The following KCMF1 variants were observed in gnomAD, a reference collection of about 807,000 sequenced individuals.
KCMF1 encodes E3 ubiquitin-protein ligase KCMF1.
KCMF1 carries 3 observed loss-of-function variants against 41.1 expected under a neutral mutation model. That is an observed-to-expected ratio of 0.07 (90% CI 0.03 to 0.19). KCMF1 has a LOEUF of 0.19. Among genes scored for constraint, KCMF1 ranks in the 10% least tolerant of loss-of-function variants. The pLI, the probability that KCMF1 is intolerant of heterozygous loss-of-function variation, is 1.00. For synonymous variants in KCMF1, 142 were observed against 164.5 expected (o/e 0.86, Z 1.04); for missense variants, 286 against 488.9 (o/e 0.58, Z 3.91).
chr2:85,039,119 G>T (rs1243376580), intron 3 of KCMF1, among the ~76,000 whole-genome samples: 1 of 152,142 alleles, frequency 6.6e-6, no homozygotes, highest in Non-Finnish European at 1.5e-5. Flanking sequence ...AAACTAAAGT[G>T]TTAAGTTAGT....
intron 1 of KCMF1, among the ~76,000 whole-genome samples, chr2:84,983,808 G>A (rs1226962723): frequency 6.6e-6 from 1 of 151,974 alleles, no homozygotes; most frequent in Non-Finnish European, 1.5e-5. Context: ...ACTGCGTCCG[G>A]CTGACTTTTG....
chr2:85,005,832 C>CA (rs1364998015), intron 1 of KCMF1, among the ~76,000 whole-genome samples: 1 of 152,106 alleles, frequency 6.6e-6, no homozygotes, highest in African/African-American at 2.4e-5. Context: ...TCAGTAAATA[C>CA]ATATAGTGTG....
chr2:84,971,512 C>G, intron 1 of KCMF1, 45 bp downstream of exon 1: 1 of 1,123,544 alleles, frequency 8.9e-7, no homozygotes, highest in Non-Finnish European at 1.1e-6. Context: ...GGGCCTCGGC[C>G]TACCCCGCCC....
intron 2 of KCMF1, among the ~76,000 whole-genome samples, chr2:85,029,369 G>A (rs1385458851): frequency 6.6e-6 from 1 of 152,066 alleles, no homozygotes; most frequent in East Asian, 1.9e-4. Flanking sequence ...GATCACTTGA[G>A]CCCAGGAGTT....
intron 2 of KCMF1, among the ~76,000 whole-genome samples, chr2:85,032,410 C>CCT (rs933586828): frequency 1.3e-4 from 19 of 149,984 alleles, no homozygotes; most frequent in Admixed American, 2.0e-4. Flanking sequence ...GAGTTTCGCT[C>CCT]TTGTCACCCA....
chr2:85,009,844 T>G (rs1254875921), intron 1 of KCMF1, among the ~76,000 whole-genome samples: 1 of 152,222 alleles, frequency 6.6e-6, no homozygotes, highest in Non-Finnish European at 1.5e-5. Flanking sequence ...AAGAAGCAAC[T>G]TAGAAATTTA....
chr2:85,052,629 G>A (rs1675834638), intron 6 of KCMF1, among the ~76,000 whole-genome samples: 1 of 152,160 alleles, frequency 6.6e-6, no homozygotes, highest in South Asian at 2.1e-4. Flanking sequence ...GTAGGAGTTT[G>A]TATGTATGTG....
intron 2 of KCMF1, among the ~76,000 whole-genome samples, chr2:85,033,010 C>T (rs184267664): frequency 7.2e-4 from 109 of 152,254 alleles, no homozygotes; most frequent in Admixed American, 2.7e-3. Flanking sequence ...GGAAAGCATC[C>T]AGTCTTTCAC....
At chr2:84,978,936 A>C (rs1673628702) in intron 1 of KCMF1, among the ~76,000 whole-genome samples, 1 of 150,432 alleles carries the variant, frequency 6.6e-6, no homozygotes, top group South Asian at 2.1e-4. Context: ...CTGGTCTCGA[A>C]CTCCTGACCT....
intron 3 of KCMF1, among the ~76,000 whole-genome samples, chr2:85,041,499 T>C (rs946125485): frequency 2.6e-5 from 4 of 152,314 alleles, no homozygotes; most frequent in African/African-American, 9.6e-5. Flanking sequence ...ACTGAAGCCT[T>C]TGCAGCTATC....
chr2:85,027,866 A>G, intron 1 of KCMF1, 23 bp from the exon 2 acceptor site: 1 of 1,541,948 alleles, frequency 6.5e-7, no homozygotes, highest in Non-Finnish European at 8.8e-7. Flanking sequence ...ACTGGTAACT[A>G]AAGATATTTC....
chr2:84,992,764 G>A (rs1674074011), intron 1 of KCMF1, among the ~76,000 whole-genome samples: 1 of 151,962 alleles, frequency 6.6e-6, no homozygotes, highest in Admixed American at 6.6e-5. Flanking sequence ...TGAGTAGCTG[G>A]GACTACAGGC....
chr2:85,000,345 G>T (rs186843404), intron 1 of KCMF1, among the ~76,000 whole-genome samples: 2 of 152,068 alleles, frequency 1.3e-5, no homozygotes, highest in Admixed American at 6.6e-5. Context: ...GGATGGTCTC[G>T]ATCTCCTGAC....
intron 1 of KCMF1, among the ~76,000 whole-genome samples, chr2:85,002,852 T>G (rs1020687908): frequency 1.3e-5 from 2 of 152,178 alleles, no homozygotes; most frequent in African/African-American, 4.8e-5. Context: ...TACTTTGCCA[T>G]TCTGTCTATA....
intron 1 of KCMF1, among the ~76,000 whole-genome samples, chr2:85,016,251 A>G (rs189457346): frequency 7.2e-5 from 11 of 152,222 alleles, no homozygotes; most frequent in Admixed American, 2.0e-4. Flanking sequence ...CTCTTTAGCC[A>G]TAGGTTTTCT....
chr2:84,986,522 T>C (rs1559126378), intron 1 of KCMF1, among the ~76,000 whole-genome samples: 1 of 151,786 alleles, frequency 6.6e-6, no homozygotes, highest in Non-Finnish European at 1.5e-5. Context: ...GGGACAACAG[T>C]GAGGAGACCA....
intron 5 of KCMF1, among the ~76,000 whole-genome samples, 184 bp from the exon 6 acceptor site, chr2:85,049,182 C>G (rs966539167): frequency 6.6e-6 from 1 of 152,240 alleles, no homozygotes; most frequent in African/African-American, 2.4e-5. Flanking sequence ...TTTGCATTCT[C>G]TGTCCACAGT....
intron 2 of KCMF1, among the ~76,000 whole-genome samples, chr2:85,029,034 A>G (rs1353209614): frequency 1.3e-5 from 2 of 152,052 alleles, no homozygotes; most frequent in African/African-American, 2.4e-5. Flanking sequence ...CAGTGGCCGG[A>G]TTTCGGCTCA....
rs775214051 is a variant in KCMF1 at position 85,049,497 on chromosome 2, C to T, written c.733C>T (p.Arg245Trp). The change falls in exon 6 of 7, where the codon CGG becomes TGG. Residue 245 changes from arginine (R) to tryptophan (W), a missense_variant. Physicochemically the swap from Arg to Trp is moderately radical, Grantham distance 101. Transcript: ENST00000409785. ...AGAACGGCAGCATGCCCAGGCAGCA[C>T]GGCAACAACTGGAGACCGCACGCAA... is the stretch of plus-strand genomic sequence containing the variant. The part of the protein sequence containing the change: ...QLERQHAQAA[R>W]QQLETARNAT... 10 of 1,613,880 alleles carry T rather than the reference C, an allele frequency of 6.2e-6. No individual in the cohort carries two copies. The highest frequency in any genetic ancestry group is 8.5e-6 in the Non-Finnish European group (10 of 1,179,904).
Sources: allele counts gnomAD v4.1 joint callset (sites outside exome capture counted in the v4.1 genomes callset), GRCh38; gene constraint gnomAD v4.1.1; transcripts MANE v1.5; gene names NCBI Gene and HGNC (gene_info 2026-07-23, HGNC 2026-07-21).